CGRRF1: variants seen among roughly 807,000 people sequenced by gnomAD.
The protein encoded by CGRRF1 is cell growth regulator with ring finger domain 1, also known as cell growth regulator with RING finger domain protein 1.
A neutral mutation model predicts 37.2 loss-of-function variants in CGRRF1; 32 were observed. The ratio of observed to expected loss-of-function variants is 0.86; its 90% CI spans 0.65 to 1.16. The LOEUF is 1.16. CGRRF1 is among the 50% of genes most tolerant of loss of function. The probability of loss-of-function intolerance (pLI) is 0.00; values close to 1 mark genes in which losing one functional copy is unlikely to be tolerated. For synonymous variants in CGRRF1, 141 were observed against 140.3 expected (o/e 1.00, Z -0.04); for missense variants, 391 against 382.6 (o/e 1.02, Z -0.18).
intron 1 of CGRRF1, among the ~76,000 whole-genome samples, chr14:54,519,510 C>T (rs2032279224): frequency 6.6e-6 from 1 of 151,794 alleles, no homozygotes; most frequent in South Asian, 2.1e-4. Context: ...CTCAGCCTCC[C>T]AAAGTTCTGG....
At chr14:54,520,349 G>T (rs1199018210) in intron 1 of CGRRF1, among the ~76,000 whole-genome samples, 1 of 151,996 alleles carries the variant, frequency 6.6e-6, no homozygotes, top group African/African-American at 2.4e-5. Flanking sequence ...TAATCAGGAC[G>T]GTCTCGATCT....
chr14:54,535,157 TTA>T (rs1194101815), intron 4 of CGRRF1, among the ~76,000 whole-genome samples: 1 of 152,218 alleles, frequency 6.6e-6, no homozygotes, highest in African/African-American at 2.4e-5. Context: ...GGATGCTTTC[TTA>T]TATAACCACA....
chr14:54,520,842 G>A (rs1219478575), intron 1 of CGRRF1, among the ~76,000 whole-genome samples: 1 of 152,018 alleles, frequency 6.6e-6, no homozygotes, highest in Non-Finnish European at 1.5e-5. Context: ...ATGGGACTCA[G>A]GTATCTGTGG....
In CGRRF1 at chr14:54,530,944, C is replaced by T; in HGVS notation, c.464C>T (p.Pro155Leu). ...AAAGAAGAAATATATTGCCAGTTAC[C>T]AAGAGATACTAAAATTGAAGACTTT... ...DSKEEIYCQL[P>L]RDTKIEDFGT... The change falls in exon 4 of 6, where the codon CCA becomes CTA. Residue 155 changes from proline to leucine, a missense_variant. Coordinates refer to ENST00000216420, the MANE Select transcript of CGRRF1 (RefSeq NM_006568.3). 6.3e-7 allele frequency: 1 copy of T among 1,598,016 alleles called. No homozygotes were observed. The highest frequency in any genetic ancestry group is 1.1e-5 in the South Asian group (1 of 90,714).
intron 4 of CGRRF1, chr14:54,536,879 T>G (rs2032609464): frequency 6.6e-6 from 1 of 152,200 alleles, no homozygotes; most frequent in African/African-American, 2.4e-5. Flanking sequence ...CTCTGGGTTT[T>G]GAGTTGTAGT....
In CGRRF1 at chr14:54,538,521, G is replaced by GGAT. The variant is rs1188020017; in HGVS notation, c.*142_*144dup. ...TTAACTTCATATTTGTATGGTACTT[G>GGAT]GATGATAAAAATTAATTATTCCTTT... On this transcript the variant is annotated 3_prime_UTR_variant, in exon 6 of 6. Transcript: ENST00000216420. 1.8e-6 allele frequency: 1 copy of GGAT among 568,442 alleles called. No individual in the cohort carries two copies. Among genetic ancestry groups the GGAT allele is most frequent in the African/African-American group, 1.9e-5 (1 of 52,108 alleles). The allele number at this position is 568,442 out of a possible 1,614,324, so 35.2% of individuals were successfully genotyped here.
chr14:54,521,599 G>A (rs917507949), intron 1 of CGRRF1, among the ~76,000 whole-genome samples: 2 of 151,186 alleles, frequency 1.3e-5, no homozygotes, highest in Non-Finnish European at 2.9e-5. Flanking sequence ...CTGCCTTCCG[G>A]GTTCAAGCCA....
chr14:54,523,664 G>A (rs1291515035), intron 2 of CGRRF1, among the ~76,000 whole-genome samples: 1 of 152,092 alleles, frequency 6.6e-6, no homozygotes, highest in African/African-American at 2.4e-5. Context: ...TAACAGAGGA[G>A]TCTAAGAAGA....
intron 3 of CGRRF1, 141 bp from the exon 4 acceptor site, chr14:54,530,762 T>G: frequency 3.3e-6 from 3 of 898,792 alleles, no homozygotes; most frequent in Non-Finnish European, 3.5e-6. Flanking sequence ...GGAACAGTAT[T>G]TGTATCCTTT....
rs559589146 is a variant in CGRRF1 at position 54,513,984 on chromosome 14, A to G, written c.104+3921A>G. On this transcript the variant is annotated intron_variant, in intron 1 of 5. Transcript: ENST00000216420. ...GACATGGACAGAGCTGAGAATCTTG[A>G]AAAAAACTCCAGTCACTCTGAGCCT... Among the ~76,000 whole-genome samples, 131 of 152,208 alleles carry G rather than the reference A, an allele frequency of 8.6e-4. 3 individuals are homozygous for G. In the South Asian group the frequency reaches 0.021, roughly 25 times the overall value.
rs897648744 is a variant in CGRRF1 at position 54,518,691 on chromosome 14, A to T, written c.105-3763A>T. On this transcript the variant is annotated intron_variant, in intron 1 of 5. Coordinates refer to ENST00000216420, the MANE Select transcript of CGRRF1 (RefSeq NM_006568.3). Reference sequence around the variant, plus strand: ...TGTGGTTTTGATTTGCATTTCTCTAATGATCAGTGATGTTGAGCTGTTTTT... The same window carrying T: ...TGTGGTTTTGATTTGCATTTCTCTATTGATCAGTGATGTTGAGCTGTTTTT... Among the ~76,000 whole-genome samples the T allele has an allele frequency of 4.6e-5, 7 of 152,186 alleles. 1 individual carries two copies. The highest frequency in any genetic ancestry group is 6.5e-5 in the Admixed American group (1 of 15,292).
Position 54,530,939 on chromosome 14 carries a change from G to T in CGRRF1, c.459G>T (p.Gln153His), listed in dbSNP as rs1179796277. The change falls in exon 4 of 6, where the codon CAG (glutamine) becomes CAT (histidine). Residue 153 changes from glutamine to histidine, a missense_variant. By Grantham distance (24) the Gln-to-His change is conservative. Transcript: ENST00000216420. ...ATAGCAAAGAAGAAATATATTGCCA[G>T]TTACCAAGAGATACTAAAATTGAAG... ...KKDSKEEIYCQLPRDTKIEDF... is the reference protein window; with the variant it reads ...KKDSKEEIYCHLPRDTKIEDF... 1.9e-6 allele frequency: 3 copies of T among 1,596,276 alleles called. No individual in the cohort carries two copies. The highest frequency in any genetic ancestry group is 1.3e-5 in the African/African-American group (1 of 74,552).
At position 54,522,577 on chromosome 14, in the gene CGRRF1, T is replaced by G; in HGVS notation, c.228T>G (p.Ser76=). 6.3e-7 allele frequency: 1 copy of G among 1,581,018 alleles called. No homozygotes were observed. Among genetic ancestry groups the G allele is most frequent in the Middle Eastern group, 1.7e-4 (1 of 5,944 alleles). Residue 76 remains serine (S), a synonymous_variant, in exon 2 of 6, where the codon TCT becomes TCG. Coordinates refer to ENST00000216420, the MANE Select transcript of CGRRF1 (RefSeq NM_006568.3). ...TTGGCTTAGAGATCACTAATCCATC[T>G]TCAGCTTCAATTACAAGTTGGTGGC... ...NPFGLEITNP[S]SASITTGITL...
At position 54,538,201 on chromosome 14, in the gene CGRRF1, G is replaced by C. The variant is rs969264142; in HGVS notation, c.817G>C (p.Asp273His). ...EVEPSEENSKDCVVCQNGTVN... is the reference protein window; with the variant it reads ...EVEPSEENSKHCVVCQNGTVN... The stretch of plus-strand genomic sequence containing the variant: ...TGAGCCATCGGAAGAGAACAGCAAG[G>C]ACTGTGTTGTTTGCCAGAATGGGAC... Residue 273 changes from aspartate to histidine, a missense_variant, in exon 6 of 6, where the codon GAC becomes CAC. Physicochemically the swap from Asp to His is moderately conservative, Grantham distance 81. Coordinates refer to ENST00000216420, the MANE Select transcript of CGRRF1 (RefSeq NM_006568.3). 4 of 1,614,200 alleles carry C rather than the reference G, an allele frequency of 2.5e-6. No homozygotes were observed. The African/African-American group carries it at 4.0e-5, about 16-fold the overall frequency.
chr14:54,538,208 T>C lies in CGRRF1; in HGVS notation c.824T>C (p.Val275Ala), dbSNP rs779175249. The C allele has an allele frequency of 1.2e-6, 2 of 1,614,190 alleles. No individual in the cohort carries two copies. The highest frequency in any genetic ancestry group is 1.3e-5 in the African/African-American group (1 of 75,044). Residue 275 changes from valine to alanine, a missense_variant, in exon 6 of 6, where the codon GTT becomes GCT. Physicochemically the swap from Val to Ala is moderately conservative, Grantham distance 64 (BLOSUM62 0). Coordinates refer to ENST00000216420, the MANE Select transcript of CGRRF1 (RefSeq NM_006568.3). ...EPSEENSKDCVVCQNGTVNWV... is the reference protein window; with the variant it reads ...EPSEENSKDCAVCQNGTVNWV... ...TCGGAAGAGAACAGCAAGGACTGTG[T>C]TGTTTGCCAGAATGGGACTGTGAAC... is the stretch of plus-strand genomic sequence containing the variant.
At chr14:54,534,538 AAAGAATATTGTGTTTTTG>A (rs2032570477) in intron 4 of CGRRF1, among the ~76,000 whole-genome samples, 1 of 152,194 alleles carries the variant, frequency 6.6e-6, no homozygotes, top group South Asian at 2.1e-4. Context: ...ATAAACTTGT[AAAGAATATTGTGTTTTTG>A]CAACTAATGT....
At chr14:54,514,621 A>G (rs8009832) in intron 1 of CGRRF1, among the ~76,000 whole-genome samples, 3,460 of 152,254 alleles carry the variant, frequency 0.023, 92 homozygotes, top group East Asian at 0.095. Flanking sequence ...GGTGGATCCC[A>G]GTATCTGTTG....
At chr14:54,528,874 A>G (rs897905270) in intron 2 of CGRRF1, among the ~76,000 whole-genome samples, 1 of 152,188 alleles carries the variant, frequency 6.6e-6, no homozygotes, top group African/African-American at 2.4e-5. Flanking sequence ...GACTGTGTGT[A>G]CATACTACTA....
rs146357024 is a variant in CGRRF1 at position 54,520,428 on chromosome 14, C to T, written c.105-2026C>T. ...GATTACAGGTGTGAGCCACCGCACC[C>T]GGCCAAGATGTACAAATCTTAAGTG... On this transcript the variant is annotated intron_variant, in intron 1 of 5. Transcript: ENST00000216420. 8.9e-4 allele frequency among the ~76,000 whole-genome samples: 136 copies of T among 152,238 alleles called. 3 individuals carry two copies. The South Asian group carries it at 0.022, about 24-fold the overall frequency.
Sources: allele counts gnomAD v4.1 joint callset (sites outside exome capture counted in the v4.1 genomes callset), GRCh38; gene constraint gnomAD v4.1.1; transcripts MANE v1.5; gene names NCBI Gene and HGNC (gene_info 2026-07-23, HGNC 2026-07-21).